The following APBA1 variants were observed in gnomAD, a reference collection of about 807,000 sequenced individuals.
The protein encoded by APBA1 is amyloid-beta A4 precursor protein-binding family A member 1.
APBA1 carries 55 observed loss-of-function variants against 86.6 expected under a neutral mutation model. The ratio of observed to expected loss-of-function variants is 0.64; its 90% confidence interval spans 0.51 to 0.80. The LOEUF is 0.80. APBA1 is among the 30% of genes least tolerant of loss of function. APBA1 has a pLI of 0.00. For synonymous variants in APBA1, 511 were observed against 493.9 expected (o/e 1.03, Z -0.46); for missense variants, 1,090 against 1,183.0 (o/e 0.92, Z 1.15).
At chr9:69,440,675 G>A (rs563175565) in intron 11 of APBA1, among the ~76,000 whole-genome samples, 33 of 152,300 alleles carry the variant, frequency 2.2e-4, no homozygotes, top group South Asian at 6.2e-4. Flanking sequence ...TCCAGGTGCT[G>A]TCTGTCACCC....
At chr9:69,440,449 C>T (rs1401685650) in intron 11 of APBA1, among the ~76,000 whole-genome samples, 3 of 151,496 alleles carry the variant, frequency 2.0e-5, no homozygotes, top group Non-Finnish European at 4.4e-5. Context: ...AGCTTCCCCG[C>T]TGCTTTGTTT....
intron 1 of APBA1, among the ~76,000 whole-genome samples, chr9:69,517,546 C>A (rs541818573): frequency 6.6e-6 from 1 of 152,282 alleles, no homozygotes; most frequent in African/African-American, 2.4e-5. Context: ...TGTTCTCCAC[C>A]ACGCATACGA....
chr9:69,584,208 T>C (rs1004971137), intron 1 of APBA1, among the ~76,000 whole-genome samples: 8 of 152,230 alleles, frequency 5.3e-5, no homozygotes, highest in Non-Finnish European at 1.0e-4. Context: ...TCCATCCATA[T>C]GTGTACATCT....
intron 1 of APBA1, among the ~76,000 whole-genome samples, chr9:69,541,187 C>A (rs1436104562): frequency 6.6e-6 from 1 of 150,516 alleles, no homozygotes; most frequent in Non-Finnish European, 1.5e-5. Context: ...GATTTCAATT[C>A]TTTTGGTGAG....
chr9:69,517,137 A>C lies in APBA1; in HGVS notation c.74T>G (p.Val25Gly). The change falls in exon 2 of 13, where the codon GTG becomes GGG. Residue 25 changes from valine to glycine, a missense_variant. Coordinates refer to ENST00000265381, the MANE Select transcript of APBA1 (RefSeq NM_001163.4). ...EAAGGEVNESVEADLEHPEVE... is the reference protein window; with the variant it reads ...EAAGGEVNESGEADLEHPEVE... ...CTCGGGGTGCTCCAGGTCGGCCTCC[A>C]CCGACTCGTTCACCTCCCCACCTGC... 1 of 1,567,284 alleles carries C rather than the reference A, an allele frequency of 6.4e-7. No homozygotes were observed. The highest frequency in any genetic ancestry group is 8.6e-7 in the Non-Finnish European group (1 of 1,158,116).
chr9:69,619,539 C>T (rs1822771735), intron 1 of APBA1, among the ~76,000 whole-genome samples: 1 of 152,182 alleles, frequency 6.6e-6, no homozygotes, highest in African/African-American at 2.4e-5. Flanking sequence ...TGCAGATGGG[C>T]TCTGCCAACT....
intron 1 of APBA1, among the ~76,000 whole-genome samples, chr9:69,554,110 A>G (rs1410387140): frequency 6.6e-6 from 1 of 152,226 alleles, no homozygotes; most frequent in Non-Finnish European, 1.5e-5. Context: ...TTGTAAAGAC[A>G]TTGAAAAAAG....
rs771052130 is a variant in APBA1, at chr9:69,476,135, A to G, written c.1209T>C (p.Ser403=). The part of the protein sequence containing the change: ...DQRPMDGDSP[S]PGSSSPLGAE... ...CACCCAAGGGGGAGGAGCTGCCAGG[A>G]GACGGAGACTAGAACACAGCAAGAG... The change falls in exon 3 of 13, where the codon TCT becomes TCC. Residue 403 remains serine (S), a synonymous_variant. Coordinates refer to ENST00000265381, the MANE Select transcript of APBA1 (RefSeq NM_001163.4). The G allele has an allele frequency of 1.9e-6, 3 of 1,613,078 alleles. No homozygotes were observed. The highest frequency in any genetic ancestry group is 1.7e-6 in the Non-Finnish European group (2 of 1,179,308).
intron 1 of APBA1, among the ~76,000 whole-genome samples, chr9:69,579,050 C>T (rs1821862279): frequency 1.3e-5 from 2 of 152,024 alleles, no homozygotes; most frequent in South Asian, 4.1e-4. Flanking sequence ...ACAGAAATTT[C>T]AACGAGTTTT....
intron 1 of APBA1, among the ~76,000 whole-genome samples, chr9:69,554,222 T>C (rs532607624): frequency 2.0e-5 from 3 of 152,340 alleles, no homozygotes; most frequent in Non-Finnish European, 2.9e-5. Flanking sequence ...CATACTATCT[T>C]TAATCCTCAC....
At chr9:69,488,431 A>G (rs1007532008) in intron 2 of APBA1, among the ~76,000 whole-genome samples, 16 of 152,148 alleles carry the variant, frequency 1.1e-4, no homozygotes, top group African/African-American at 3.9e-4. Context: ...AGATGTTGAT[A>G]GTCAAAGAGT....
chr9:69,649,753 C>T (rs898299563), intron 1 of APBA1, among the ~76,000 whole-genome samples: 1 of 152,130 alleles, frequency 6.6e-6, no homozygotes, highest in South Asian at 2.1e-4. Flanking sequence ...TCTTGCCAAA[C>T]AAGAGTCAGT....
At chr9:69,490,225 C>CA (rs1348486481) in intron 2 of APBA1, among the ~76,000 whole-genome samples, 2 of 150,800 alleles carry the variant, frequency 1.3e-5, no homozygotes, top group Non-Finnish European at 1.5e-5. Flanking sequence ...ATCGCAAGGA[C>CA]AAAAAACCAA....
Position 69,639,435 on chromosome 9 carries a change from G to A in APBA1, c.-70+32718C>T, listed in dbSNP as rs115173771. On this transcript the variant is annotated intron_variant, in intron 1 of 12. Transcript: ENST00000265381. ...CTCTCAGGGGAAGTAGCTGATTCCA[G>A]GTCAAAAGTAGAAAATATAAAGGAT... is the stretch of plus-strand genomic sequence containing the variant. Among the ~76,000 whole-genome samples, 761 of 152,190 alleles carry A rather than the reference G, an allele frequency of 5.0e-3. 7 individuals carry two copies. The highest frequency in any genetic ancestry group is 0.017 in the African/African-American group (710 of 41,518).
At chr9:69,432,411 G>C (rs933309414) in intron 12 of APBA1, 125 bp downstream of exon 12, 33 of 921,642 alleles carry the variant, frequency 3.6e-5, no homozygotes, top group Non-Finnish European at 4.6e-5. Flanking sequence ...GCTTGTTGGG[G>C]AGTGTTCAGG....
chr9:69,433,042 C>T (rs967017692), intron 11 of APBA1, among the ~76,000 whole-genome samples: 2 of 152,204 alleles, frequency 1.3e-5, no homozygotes, highest in African/African-American at 4.8e-5. Context: ...TTCCCGTAGT[C>T]ATGACTGGGA....
intron 2 of APBA1, among the ~76,000 whole-genome samples, chr9:69,495,824 A>G (rs1436884431): frequency 1.3e-5 from 2 of 152,078 alleles, no homozygotes; most frequent in African/African-American, 4.8e-5. Flanking sequence ...CAGGACCTGC[A>G]TCAGGATGCA....
intron 1 of APBA1, among the ~76,000 whole-genome samples, chr9:69,594,683 C>A (rs555577821): frequency 6.6e-6 from 1 of 152,166 alleles, no homozygotes; most frequent in East Asian, 1.9e-4. Context: ...AGAATATGAA[C>A]AAAACCCTAA....
At chr9:69,473,768 C>T (rs1835400891) in intron 3 of APBA1, among the ~76,000 whole-genome samples, 1 of 151,982 alleles carries the variant, frequency 6.6e-6, no homozygotes, top group Non-Finnish European at 1.5e-5. Context: ...AAAGCTGCAA[C>T]AGAGGGCATT....
Sources: allele counts gnomAD v4.1 joint callset (sites outside exome capture counted in the v4.1 genomes callset), GRCh38; gene constraint gnomAD v4.1.1; transcripts MANE v1.5; gene names NCBI Gene and HGNC (gene_info 2026-07-23, HGNC 2026-07-21).